ZNF638: variants seen among roughly 807,000 people sequenced by gnomAD.
The protein encoded by ZNF638 is CTCL tumor antigen se33-1.
ZNF638 carries 46 observed loss-of-function variants against 195.6 expected under a neutral mutation model. The observed-to-expected ratio is 0.24, with a 90% CI of 0.19 to 0.30. ZNF638 has a LOEUF of 0.30. Ranked by LOEUF, ZNF638 falls within the 10% of genes least tolerant of loss-of-function variation. The probability of loss-of-function intolerance (pLI) is 1.00; values close to 1 mark genes in which losing one functional copy is unlikely to be tolerated. For missense variants in ZNF638, 2,440 were observed against 2,325.3 expected, an observed-to-expected ratio of 1.05 and a Z score of -1.01; for synonymous variants, 845 against 772.0, an observed-to-expected ratio of 1.09 and a Z score of -1.57.
Position 71,433,968 on chromosome 2 carries a change from C to A in ZNF638, c.5871+685C>A, listed in dbSNP as rs568733556. On this transcript the variant is annotated intron_variant, in intron 27 of 27. Transcript: ENST00000264447. ...GTCACATAGCTAGTTAGTAGCAGAC[C>A]TAGGATTTGAACTCCGCTCTATTTC... Among the ~76,000 whole-genome samples, 12 of 152,262 alleles carry A rather than the reference C, an allele frequency of 7.9e-5. No individual in the cohort carries two copies. In the East Asian group the frequency reaches 2.1e-3, roughly 27 times the overall value.
At chr2:71,383,762 C>CTTTTTTTTTTTTT (rs1181570876) in intron 10 of ZNF638, among the ~76,000 whole-genome samples, 14 of 76,720 alleles carry the variant, frequency 1.8e-4, no homozygotes, top group East Asian at 4.0e-4. Context: ...TTTTCTTTTT[C>CTTTTTTTTTTTTT]TTTTTTTTTT....
intron 7 of ZNF638, among the ~76,000 whole-genome samples, chr2:71,368,922 T>G (rs2079254713): frequency 6.6e-6 from 1 of 152,272 alleles, no homozygotes; most frequent in Non-Finnish European, 1.5e-5. Context: ...ACCAGTTAGA[T>G]AATACTAAAA....
At chr2:71,393,641 C>G (rs1158249684) in intron 10 of ZNF638, 1 of 717,926 alleles carries the variant, frequency 1.4e-6, no homozygotes, top group Non-Finnish European at 2.6e-6. Flanking sequence ...GCTCTGCTCT[C>G]TGGTGTAAGT....
intron 10 of ZNF638, among the ~76,000 whole-genome samples, chr2:71,392,925 C>T (rs1335148889): frequency 2.6e-5 from 4 of 152,144 alleles, no homozygotes; most frequent in Admixed American, 1.3e-4. Context: ...ACCTAATTAG[C>T]GCACATGCTC....
At chr2:71,351,271 CT>C (rs1202127582) in intron 2 of ZNF638, among the ~76,000 whole-genome samples, 1 of 152,150 alleles carries the variant, frequency 6.6e-6, no homozygotes, top group Non-Finnish European at 1.5e-5. Flanking sequence ...TCATTATTTA[CT>C]CACTAGGTTT....
chr2:71,421,613 C>T (rs2080434714), intron 21 of ZNF638, among the ~76,000 whole-genome samples: 2 of 152,246 alleles, frequency 1.3e-5, no homozygotes, highest in Admixed American at 6.5e-5. Flanking sequence ...GTGTTGTTAA[C>T]TGAAGGGTAC....
chr2:71,423,704 TTA>T lies in ZNF638; in HGVS notation c.4193_4194del (p.Ile1398SerfsTer5), dbSNP rs1484511475. 6.2e-7 allele frequency: 1 copy of T among 1,613,772 alleles called. No homozygotes were observed. The highest frequency in any genetic ancestry group is 8.5e-7 in the Non-Finnish European group (1 of 1,180,030). ...AGCAGTAAACCAAGCATCAAGGCTGTTATAGTCTCTTCTCCTAAGGCAAAAGC... is the reference window on the plus strand; with the variant it reads ...AGCAGTAAACCAAGCATCAAGGCTGTTAGTCTCTTCTCCTAAGGCAAAAGC... On this transcript the variant is annotated frameshift_variant, in exon 22 of 28. Coordinates refer to ENST00000264447, the MANE Select transcript of ZNF638 (RefSeq NM_014497.5). LOFTEE classifies it high-confidence loss of function.
intron 26 of ZNF638, among the ~76,000 whole-genome samples, chr2:71,432,492 C>T (rs1265788825): frequency 5.9e-5 from 9 of 152,234 alleles, no homozygotes; most frequent in South Asian, 4.1e-4. Flanking sequence ...TGAGCCACTT[C>T]TCCCAGCCAG....
In ZNF638 at chr2:71,384,675, C is replaced by T. The variant is rs139277213; in HGVS notation, c.2377+4110C>T. ...GTAAGGCTCATCTCTGATGAAACTTCCTTGATCGAATGATTTTTTTCTCTT... is the reference window on the plus strand; with the variant it reads ...GTAAGGCTCATCTCTGATGAAACTTTCTTGATCGAATGATTTTTTTCTCTT... On this transcript the variant is annotated intron_variant, in intron 10 of 27. Coordinates refer to ENST00000264447, the MANE Select transcript of ZNF638 (RefSeq NM_014497.5). Among the ~76,000 whole-genome samples the T allele has an allele frequency of 2.4e-3, 366 of 150,010 alleles. 1 individual carries two copies. Among genetic ancestry groups the T allele is most frequent in the African/African-American group, 8.6e-3 (354 of 41,082 alleles).
rs371978920 is a variant in ZNF638, at chr2:71,350,053, A to G, written c.1099A>G (p.Arg367Gly). 3 of 1,614,072 alleles carry G rather than the reference A, an allele frequency of 1.9e-6. No homozygotes were observed. The highest frequency in any genetic ancestry group is 2.7e-5 in the African/African-American group (2 of 74,940). Residue 367 changes from arginine (R) to glycine (G), a missense_variant, in exon 2 of 28, where the codon AGA becomes GGA. Coordinates refer to ENST00000264447, the MANE Select transcript of ZNF638 (RefSeq NM_014497.5). ...INSSNVHVGS[R>G]GSKKNYQSQA... ...TTCATCTAACGTACATGTTGGATCA[A>G]GAGGAAGTAAAAAGAATTACCAGTC...
At chr2:71,422,411 A>G (rs746046817) in intron 21 of ZNF638, among the ~76,000 whole-genome samples, 6 of 152,120 alleles carry the variant, frequency 3.9e-5, no homozygotes, top group Non-Finnish European at 8.8e-5. Flanking sequence ...ATCATAATGC[A>G]TGGATCATTA....
chr2:71,419,957 T>TCC, intron 21 of ZNF638, among the ~76,000 whole-genome samples: 3 of 51,710 alleles, frequency 5.8e-5, no homozygotes, highest in Non-Finnish European at 8.2e-5. Context: ...AACTTCTTAA[T>TCC]TCCCACCCCC....
chr2:71,382,771 G>A (rs1050496586), intron 10 of ZNF638, among the ~76,000 whole-genome samples: 1 of 152,088 alleles, frequency 6.6e-6, no homozygotes, highest in Non-Finnish European at 1.5e-5. Context: ...AAAATGAGAA[G>A]TTCTGTGACA....
intron 2 of ZNF638, among the ~76,000 whole-genome samples, chr2:71,355,376 T>C (rs1342074510): frequency 1.3e-5 from 2 of 152,208 alleles, no homozygotes; most frequent in African/African-American, 4.8e-5. Context: ...TGGTGTTTTC[T>C]GGTGTGTTGT....
At chr2:71,386,729 T>C (rs181112419) in intron 10 of ZNF638, among the ~76,000 whole-genome samples, 56 of 152,276 alleles carry the variant, frequency 3.7e-4, no homozygotes, top group Middle Eastern at 3.4e-3. Context: ...AATAGTCCAT[T>C]TATAATAATA....
intron 10 of ZNF638, chr2:71,393,325 C>T (rs1558865032): frequency 8.8e-6 from 6 of 680,592 alleles, no homozygotes; most frequent in South Asian, 3.2e-5. Context: ...TAAATAGTAA[C>T]GTATGGTGTA....
At chr2:71,361,392 C>T (rs2079107199) in intron 3 of ZNF638, among the ~76,000 whole-genome samples, 1 of 152,256 alleles carries the variant, frequency 6.6e-6, no homozygotes, top group Non-Finnish European at 1.5e-5. Context: ...AAGGCTTACA[C>T]ATTCTAAGTA....
At chr2:71,382,083 A>AT (rs1558857175) in intron 10 of ZNF638, among the ~76,000 whole-genome samples, 1 of 152,142 alleles carries the variant, frequency 6.6e-6, no homozygotes, top group Non-Finnish European at 1.5e-5. Flanking sequence ...AGTTTAAAAA[A>AT]TTTTTTAAAT....
intron 23 of ZNF638, among the ~76,000 whole-genome samples, chr2:71,425,260 T>C (rs1411884298): frequency 1.3e-5 from 2 of 152,180 alleles, no homozygotes; most frequent in Non-Finnish European, 2.9e-5. Flanking sequence ...TGGTAGGGGA[T>C]AGATTTGGGC....
Sources: allele counts gnomAD v4.1 joint callset (sites outside exome capture counted in the v4.1 genomes callset), GRCh38; gene constraint gnomAD v4.1.1; transcripts MANE v1.5; gene names NCBI Gene and HGNC (gene_info 2026-07-23, HGNC 2026-07-21).